ABI1: variants seen among roughly 807,000 people sequenced by gnomAD.
ABI1 encodes the protein abl interactor 1, also known as Abelson interactor 1.
ABI1 carries 14 observed loss-of-function variants against 54.6 expected under a neutral mutation model. That is an observed-to-expected ratio of 0.26 (90% CI 0.17 to 0.40). The LOEUF is 0.40. ABI1 is among the 10% of genes least tolerant of loss of function. The pLI is 1.00. For synonymous variants in ABI1, 194 were observed against 209.3 expected (o/e 0.93, Z 0.63); for missense variants, 443 against 598.3 (o/e 0.74, Z 2.71).
At chr10:26,847,161 A>G (rs1358870844) in intron 1 of ABI1, among the ~76,000 whole-genome samples, 3 of 152,248 alleles carry the variant, frequency 2.0e-5, no homozygotes, top group Non-Finnish European at 4.4e-5. Context: ...CACAATACAT[A>G]TAATTATAAA....
chr10:26,808,496 T>G (rs1239481904), intron 2 of ABI1, among the ~76,000 whole-genome samples: 1 of 151,658 alleles, frequency 6.6e-6, no homozygotes, highest in African/African-American at 2.4e-5. Flanking sequence ...CGGAGGCAGG[T>G]AGATCACCTG....
intron 2 of ABI1, among the ~76,000 whole-genome samples, chr10:26,799,786 A>T (rs936296098): frequency 6.6e-6 from 1 of 152,176 alleles, no homozygotes; most frequent in East Asian, 1.9e-4. Flanking sequence ...CTTAATGACA[A>T]ATTATAGCAA....
chr10:26,818,144 G>C (rs1421807827), intron 2 of ABI1, among the ~76,000 whole-genome samples: 97 of 86,786 alleles, frequency 1.1e-3, no homozygotes, highest in African/African-American at 3.7e-3. Flanking sequence ...GGGAGACAGA[G>C]CAAGACTCCA....
At chr10:26,766,664 T>C (rs1839992389) in intron 6 of ABI1, among the ~76,000 whole-genome samples, 1 of 152,224 alleles carries the variant, frequency 6.6e-6, no homozygotes, top group Admixed American at 6.5e-5. Flanking sequence ...CATAGACATA[T>C]GAATATTTAT....
At chr10:26,858,448 T>A in intron 1 of ABI1, among the ~76,000 whole-genome samples, 1 of 146,438 alleles carries the variant, frequency 6.8e-6, no homozygotes, top group African/African-American at 2.5e-5. Flanking sequence ...TTGCTTTGCG[T>A]GAATTCTTTT....
At chr10:26,844,596 C>T (rs571285003) in intron 1 of ABI1, among the ~76,000 whole-genome samples, 2 of 152,354 alleles carry the variant, frequency 1.3e-5, no homozygotes, top group Admixed American at 1.3e-4. Context: ...CTCCAACCCA[C>T]TGCTCTGCCA....
chr10:26,764,079 C>G (rs1176422834), intron 7 of ABI1: 3 of 668,596 alleles, frequency 4.5e-6, no homozygotes, highest in Non-Finnish European at 7.1e-6. Context: ...CCATGTAAAG[C>G]ATGCTCAAAT....
rs58195958 is a variant in ABI1 at position 26,856,433 on chromosome 10, C to CAAAA, written c.117+4310_117+4313dup. ...AACCTCTAACTGTCCATCTGTTACTCAAAAAAAAAAAAAAAAAAAAAAAAA... is the reference window on the plus strand; with the variant it reads ...AACCTCTAACTGTCCATCTGTTACTCAAAAAAAAAAAAAAAAAAAAAAAAAAAAA... On this transcript the variant is annotated intron_variant, in intron 1 of 10. Transcript: ENST00000376140. Among the ~76,000 whole-genome samples the CAAAA allele has an allele frequency of 1.5e-3, 86 of 57,772 alleles. 9 individuals carry two copies. The highest frequency in any genetic ancestry group is 2.5e-3 in the African/African-American group (42 of 16,492). 37.9% of individuals were successfully genotyped at this position (57,772 alleles called of 152,430 possible).
intron 1 of ABI1, among the ~76,000 whole-genome samples, chr10:26,845,529 G>C (rs2049905472): frequency 6.6e-6 from 1 of 152,168 alleles, no homozygotes; most frequent in African/African-American, 2.4e-5. Context: ...TGTAATCCCA[G>C]CTACTTGGGA....
chr10:26,751,739 T>TGTC lies in ABI1; in HGVS notation c.1126_1128dup (p.Asp376dup), dbSNP rs765661298. The TGTC allele has an allele frequency of 3.7e-6, 6 of 1,613,560 alleles. No individual in the cohort carries two copies. Among genetic ancestry groups the TGTC allele is most frequent in the Non-Finnish European group, 5.1e-6 (6 of 1,179,858 alleles). On this transcript the variant is annotated inframe_insertion, in exon 10 of 11. Coordinates refer to ENST00000376140, the MANE Select transcript of ABI1 (RefSeq NM_001012750.3). ...GGTGGAGAGTCATCAAACATGGGAA[T>TGTC]GTCATCTGGTGGAGGTGGTGGCGGT...
chr10:26,748,799 T>C (rs1270866687), intron 10 of ABI1, 54 bp from the exon 11 acceptor site: 1 of 1,310,692 alleles, frequency 7.6e-7, no homozygotes, highest in East Asian at 2.4e-5. Context: ...CAAAATTTAC[T>C]TGAATTTTAA....
chr10:26,774,464 A>C (rs1166354768), intron 3 of ABI1, among the ~76,000 whole-genome samples: 1 of 152,140 alleles, frequency 6.6e-6, no homozygotes. Flanking sequence ...CCTTGTGCTC[A>C]CTTACAAAGA....
intron 2 of ABI1, among the ~76,000 whole-genome samples, chr10:26,813,778 T>G (rs2047387105): frequency 6.6e-6 from 1 of 152,204 alleles, no homozygotes; most frequent in Admixed American, 6.5e-5. Context: ...TCTCATAAAT[T>G]TATTTGTTTT....
chr10:26,860,893 C>T lies in ABI1; in HGVS notation c.-30G>A, dbSNP rs779655310. 41 of 1,600,878 alleles carry T rather than the reference C, an allele frequency of 2.6e-5. No individual in the cohort carries two copies. The highest frequency in any genetic ancestry group is 3.3e-5 in the Non-Finnish European group (39 of 1,168,580). On this transcript the variant is annotated 5_prime_UTR_variant, in exon 1 of 11. Transcript: ENST00000376140. This position sits in a 1 kb window ranked among gnomAD's most constrained non-coding sequence, Gnocchi z 4.1. ...CACCCCTCTGCATCGCTTCCTCTCG[C>T]GTTAAAGAGACAGAGGCAGCAAGGT...
At chr10:26,782,000 G>T (rs1270425633) in intron 2 of ABI1, among the ~76,000 whole-genome samples, 1 of 152,082 alleles carries the variant, frequency 6.6e-6, no homozygotes. Flanking sequence ...CCTGGAAAAG[G>T]ACTCATTTGT....
chr10:26,815,280 T>C (rs975523027), intron 2 of ABI1, among the ~76,000 whole-genome samples: 3 of 152,184 alleles, frequency 2.0e-5, no homozygotes, highest in African/African-American at 7.2e-5. Context: ...TAATTCAATG[T>C]AATTTACAGA....
intron 9 of ABI1, among the ~76,000 whole-genome samples, chr10:26,754,628 G>A (rs1838056393): frequency 6.6e-6 from 1 of 152,202 alleles, no homozygotes; most frequent in Non-Finnish European, 1.5e-5. Context: ...GTCAGCAAAA[G>A]CTGAAGAATG....
At chr10:26,832,107 A>G (rs1401160197) in intron 1 of ABI1, among the ~76,000 whole-genome samples, 27 of 152,252 alleles carry the variant, frequency 1.8e-4, no homozygotes, top group Admixed American at 1.8e-3. Context: ...AACCAAATTC[A>G]CATAAGCACA....
chr10:26,810,129 T>G (rs533013465), intron 2 of ABI1, among the ~76,000 whole-genome samples: 3 of 152,226 alleles, frequency 2.0e-5, no homozygotes, highest in African/African-American at 7.2e-5. Context: ...AAGGCAGACT[T>G]CTGGAACTGA....
Sources: allele counts gnomAD v4.1 joint callset (sites outside exome capture counted in the v4.1 genomes callset), GRCh38; gene constraint gnomAD v4.1.1; non-coding constraint Gnocchi (gnomAD v3.1); transcripts MANE v1.5; gene names NCBI Gene and HGNC (gene_info 2026-07-23, HGNC 2026-07-21).